Variants in KIAA1958 observed in about 807,000 individuals in gnomAD.
KIAA1958 encodes the protein KIAA1958, also known as uncharacterized protein KIAA1958.
A neutral mutation model predicts 47.2 loss-of-function variants in KIAA1958; 14 were observed. The ratio of observed to expected loss-of-function variants is 0.30; its 90% CI spans 0.20 to 0.46. The LOEUF (loss-of-function observed/expected upper bound fraction) is 0.46, where lower values mean the gene tolerates loss of function less well. Ranked by LOEUF, KIAA1958 falls within the 20% of genes least tolerant of loss-of-function variation. KIAA1958 has a pLI of 1.00. For missense variants in KIAA1958, 803 were observed against 909.2 expected, an observed-to-expected ratio of 0.88 and a Z score of 1.50; for synonymous variants, 354 against 353.3, an observed-to-expected ratio of 1.00 and a Z score of -0.02.
intron 1 of KIAA1958, among the ~76,000 whole-genome samples, chr9:112,536,193 A>G (rs978138423): frequency 3.3e-5 from 5 of 152,244 alleles, no homozygotes; most frequent in African/African-American, 1.2e-4. Context: ...AGTGAAGACC[A>G]GGAAATTGTG....
chr9:112,558,239 G>A (rs966983826), intron 1 of KIAA1958, among the ~76,000 whole-genome samples: 2 of 151,814 alleles, frequency 1.3e-5, no homozygotes, highest in Non-Finnish European at 2.9e-5. Context: ...AAAAAAGTTA[G>A]CAATTAGAAA....
In KIAA1958 at chr9:112,661,240, C is replaced by G. The variant is rs1043503353; in HGVS notation, c.*1171C>G. 2 of 152,136 alleles carry G rather than the reference C, an allele frequency of 1.3e-5. No individual in the cohort carries two copies. The highest frequency in any genetic ancestry group is 2.4e-5 in the African/African-American group (1 of 41,416). The allele number at this position is 152,136 out of a possible 1,614,324, so 9.4% of individuals were successfully genotyped here. A position where few individuals can be genotyped will look rare whatever the true frequency, so the allele number is the denominator to read the frequency against. ...ATTAAGGATGTAGTTATAAAATTAG[C>G]GCATAATGGTAGGTAATGCAGTTTG... is the stretch of plus-strand genomic sequence containing the variant. On this transcript the variant is annotated 3_prime_UTR_variant, in exon 4 of 4. Coordinates refer to ENST00000337530, the MANE Select transcript of KIAA1958 (RefSeq NM_133465.4).
intron 1 of KIAA1958, among the ~76,000 whole-genome samples, chr9:112,502,609 T>C (rs1834162218): frequency 6.6e-6 from 1 of 152,246 alleles, no homozygotes; most frequent in Admixed American, 6.5e-5. Flanking sequence ...AATATATTTA[T>C]ACCAATTTAT....
intron 1 of KIAA1958, among the ~76,000 whole-genome samples, chr9:112,563,081 C>CTATATATA (rs1357997391): frequency 5.1e-5 from 4 of 78,730 alleles, no homozygotes; most frequent in East Asian, 3.3e-4. Flanking sequence ...CTCTCTCTCT[C>CTATATATA]TCTCTATATA....
intron 2 of KIAA1958, among the ~76,000 whole-genome samples, chr9:112,578,705 G>A (rs1319518247): frequency 2.0e-5 from 3 of 152,006 alleles, no homozygotes; most frequent in Non-Finnish European, 4.4e-5. Context: ...CTGCCATACT[G>A]CTCAATCCAA....
At chr9:112,563,815 T>G (rs1835378717) in intron 1 of KIAA1958, among the ~76,000 whole-genome samples, 1 of 152,192 alleles carries the variant, frequency 6.6e-6, no homozygotes, top group African/African-American at 2.4e-5. Context: ...TTCCTAATCT[T>G]AAAAGGAAAT....
chr9:112,570,166 TCAC>T (rs945243656), intron 1 of KIAA1958, among the ~76,000 whole-genome samples: 19 of 152,234 alleles, frequency 1.2e-4, no homozygotes, highest in Admixed American at 9.8e-4. Context: ...CAAGAATAGT[TCAC>T]CATTTAATGT....
chr9:112,548,690 C>CA (rs1835086722), intron 1 of KIAA1958, among the ~76,000 whole-genome samples: 1 of 152,144 alleles, frequency 6.6e-6, no homozygotes, highest in African/African-American at 2.4e-5. Flanking sequence ...GTATTTGCTA[C>CA]ATAGTAGTCT....
At chr9:112,591,163 A>G (rs1835912640) in intron 2 of KIAA1958, among the ~76,000 whole-genome samples, 1 of 152,094 alleles carries the variant, frequency 6.6e-6, no homozygotes, top group Non-Finnish European at 1.5e-5. Flanking sequence ...GGCTCACTGC[A>G]AGCTCTGCCT....
At chr9:112,656,306 G>C (rs1013762226) in intron 3 of KIAA1958, among the ~76,000 whole-genome samples, 1 of 140,444 alleles carries the variant, frequency 7.1e-6, no homozygotes, top group African/African-American at 2.7e-5. Flanking sequence ...CCCAGGAGTT[G>C]AGGCTGCAGT....
chr9:112,541,132 C>A (rs940044614), intron 1 of KIAA1958, among the ~76,000 whole-genome samples: 1 of 152,086 alleles, frequency 6.6e-6, no homozygotes, highest in Non-Finnish European at 1.5e-5. Context: ...TTTATGATTC[C>A]TTTCCAATAT....
At chr9:112,600,598 A>G (rs988666886) in intron 2 of KIAA1958, among the ~76,000 whole-genome samples, 1 of 152,188 alleles carries the variant, frequency 6.6e-6, no homozygotes, top group African/African-American at 2.4e-5. Flanking sequence ...GGTCTCCTAA[A>G]AGCTGTTTTA....
intron 1 of KIAA1958, among the ~76,000 whole-genome samples, chr9:112,545,874 A>C (rs1290296575): frequency 8.5e-6 from 1 of 117,260 alleles, no homozygotes; most frequent in Non-Finnish European, 1.7e-5. Flanking sequence ...AATGGCTGCC[A>C]TTCTTGGATC....
At chr9:112,516,998 G>A (rs1044180008) in intron 1 of KIAA1958, among the ~76,000 whole-genome samples, 2 of 152,182 alleles carry the variant, frequency 1.3e-5, no homozygotes, top group African/African-American at 4.8e-5. Context: ...AAAGTTGGTT[G>A]CCTTTGATTG....
chr9:112,618,999 G>A lies in KIAA1958; in HGVS notation c.1172-26651G>A, dbSNP rs1588042502. On this transcript the variant is annotated intron_variant, in intron 2 of 3. Coordinates refer to ENST00000337530, the MANE Select transcript of KIAA1958 (RefSeq NM_133465.4). The surrounding 1 kb of genome is among the most constrained non-coding windows in gnomAD (Gnocchi z 7.1). ...TACACCGCTTCTCGTTCCCCTTCCTGTGCCCTCAGTGTTAATTCACTTTAT... is the reference window on the plus strand; with the variant it reads ...TACACCGCTTCTCGTTCCCCTTCCTATGCCCTCAGTGTTAATTCACTTTAT... The A allele has an allele frequency of 7.1e-7, 1 of 1,405,218 alleles. No homozygotes were observed. Among genetic ancestry groups the A allele is most frequent in the Non-Finnish European group, 9.4e-7 (1 of 1,068,404 alleles). The allele number at this position is 1,405,218 out of a possible 1,614,324, so 87.0% of individuals were successfully genotyped here.
At chr9:112,617,857 C>G (rs756898077) in intron 2 of KIAA1958, 16 of 1,537,892 alleles carry the variant, frequency 1.0e-5, no homozygotes, top group East Asian at 2.5e-5. Context: ...CCCTCCCCCC[C>G]CAATTTGTTG....
At chr9:112,633,659 G>A (rs958325113) in intron 2 of KIAA1958, among the ~76,000 whole-genome samples, 2 of 151,970 alleles carry the variant, frequency 1.3e-5, no homozygotes, top group Non-Finnish European at 1.5e-5. Context: ...GGTAATCACT[G>A]ACTTCACCAT....
At chr9:112,653,027 A>C (rs1490722566) in intron 3 of KIAA1958, among the ~76,000 whole-genome samples, 1 of 152,224 alleles carries the variant, frequency 6.6e-6, no homozygotes, top group Non-Finnish European at 1.5e-5. Flanking sequence ...CTTTCAGTCC[A>C]CTTCAAGAGG....
intron 2 of KIAA1958, among the ~76,000 whole-genome samples, chr9:112,578,620 T>C (rs1052052530): frequency 1.3e-5 from 2 of 152,170 alleles, no homozygotes; most frequent in African/African-American, 4.8e-5. Context: ...TCCCTACTTC[T>C]GTTCAGAGCT....
Sources: gnomAD v4.1 joint callset for allele counts (sites outside exome capture counted in the v4.1 genomes callset) on GRCh38, gnomAD v4.1.1 for gene constraint, Gnocchi (gnomAD v3.1) non-coding constraint, MANE v1.5 for transcripts, NCBI Gene and HGNC (gene_info 2026-07-23, HGNC 2026-07-21) for gene names.